The following CEACAM19 variants were observed in gnomAD, a reference collection of about 807,000 sequenced individuals.
The protein encoded by CEACAM19 is cell adhesion molecule CEACAM19.
A neutral mutation model predicts 37.6 loss-of-function variants in CEACAM19; 37 were observed. The observed-to-expected ratio is 0.98, with a 90% confidence interval of 0.76 to 1.29. The LOEUF is 1.29. Among genes scored for constraint, CEACAM19 ranks in the 50% most tolerant of loss-of-function variants. The pLI, the probability that CEACAM19 is intolerant of heterozygous loss-of-function variation, is 0.00. For missense variants in CEACAM19, 340 were observed against 375.6 expected (o/e 0.91, Z 0.78); for synonymous variants, 140 against 149.8 (o/e 0.93, Z 0.48).
At chr19:44,676,181 CAGT>C in intron 2 of CEACAM19, 87 bp from the exon 3 acceptor site, 1 of 1,313,392 alleles carries the variant, frequency 7.6e-7, no homozygotes, top group Non-Finnish European at 1.1e-6. Flanking sequence ...GTTCTCCATG[CAGT>C]CACTGATATA....
At chr19:44,668,716 A>G (rs1250567225), upstream of CEACAM19, among the ~76,000 whole-genome samples, 1 of 69,704 alleles carries the variant, frequency 1.4e-5, no homozygotes, top group Non-Finnish European at 2.6e-5. Context: ...TATATATTAT[A>G]ATATGTATAT....
At chr19:44,680,371 C>A (rs1200226224) in intron 5 of CEACAM19, 37 bp downstream of exon 5, 2 of 1,560,448 alleles carry the variant, frequency 1.3e-6, no homozygotes, top group African/African-American at 1.4e-5. Context: ...ACCTAGCCCT[C>A]CTCTCAGCTC....
upstream of CEACAM19, among the ~76,000 whole-genome samples, chr19:44,666,782 T>A (rs954668140): frequency 1.3e-5 from 2 of 151,516 alleles, no homozygotes; most frequent in African/African-American, 4.9e-5. Flanking sequence ...TACACTTCTC[T>A]TGAGCAGGGT....
At chr19:44,683,289 A>G (rs572147274) in intron 7 of CEACAM19, 148 bp from the exon 8 acceptor site, 5 of 499,008 alleles carry the variant, frequency 1.0e-5, no homozygotes, top group African/African-American at 7.9e-5. Flanking sequence ...TTGTCTCTGC[A>G]TCTCACTCTC....
In CEACAM19 at chr19:44,676,283, A is replaced by G. The variant is rs1321615650; in HGVS notation, c.437A>G (p.Glu146Gly). Reference sequence around the variant, plus strand: ...TCTCACCCCTCAGAAAAGAATAAGGAGCTGCCCAGTACACACCTGCCCACC... The same window carrying G: ...TCTCACCCCTCAGAAAAGAATAAGGGGCTGCCCAGTACACACCTGCCCACC... ...TEVQVAEKNK[E>G]LPSTHLPTNA... The change falls in exon 3 of 8, where the codon GAG (glutamate) becomes GGG (glycine). Residue 146 changes from glutamate to glycine, a missense_variant. Physicochemically the swap from Glu to Gly is moderately conservative, Grantham distance 98. Transcript: ENST00000358777. 1.2e-6 allele frequency: 2 copies of G among 1,614,008 alleles called. No homozygotes were observed. Among genetic ancestry groups the G allele is most frequent in the East Asian group, 2.2e-5 (1 of 44,858 alleles).
intron 3 of CEACAM19, 53 bp from the exon 4 acceptor site, chr19:44,678,800 A>C: frequency 6.3e-7 from 1 of 1,599,652 alleles, no homozygotes; most frequent in Middle Eastern, 1.7e-4. Context: ...GCTCTCTGAT[A>C]TTCTACTGTC....
upstream of CEACAM19, among the ~76,000 whole-genome samples, chr19:44,667,956 A>C (rs1973764117): frequency 1.2e-5 from 1 of 82,646 alleles, no homozygotes; most frequent in African/African-American, 5.0e-5. Context: ...AATTATATAA[A>C]TCTATATAAA....
upstream of CEACAM19, among the ~76,000 whole-genome samples, chr19:44,670,270 C>T (rs537531290): frequency 7.3e-5 from 11 of 150,016 alleles, no homozygotes; most frequent in African/African-American, 2.7e-4. Flanking sequence ...CTGCAGTGAG[C>T]AATGATCATG....
At chr19:44,670,805 A>C (rs1416851101), upstream of CEACAM19, among the ~76,000 whole-genome samples, 24 of 143,304 alleles carry the variant, frequency 1.7e-4, no homozygotes, top group Non-Finnish European at 3.2e-4. Flanking sequence ...AAAAAAAAAA[A>C]AAAAAACAGG....
At chr19:44,679,369 C>T (rs1974012754) in intron 4 of CEACAM19, among the ~76,000 whole-genome samples, 1 of 152,138 alleles carries the variant, frequency 6.6e-6, no homozygotes, top group Non-Finnish European at 1.5e-5. Context: ...CTTTGGGAGG[C>T]CAAGGCAGGT....
upstream of CEACAM19, among the ~76,000 whole-genome samples, chr19:44,668,141 A>G (rs1398824424): frequency 1.2e-5 from 1 of 85,334 alleles, no homozygotes; most frequent in East Asian, 3.6e-4. Context: ...TATATAATAT[A>G]TTATATATAT....
chr19:44,673,047 A>G, intron 2 of CEACAM19, 83 bp downstream of exon 2: 1 of 1,177,760 alleles, frequency 8.5e-7, no homozygotes, highest in Non-Finnish European at 1.1e-6. Context: ...TGCAAACACC[A>G]TTTCATTTGG....
At chr19:44,676,241 C>G (rs1973946377) in intron 2 of CEACAM19, 30 bp from the exon 3 acceptor site, 1 of 1,610,940 alleles carries the variant, frequency 6.2e-7, no homozygotes, top group African/African-American at 1.3e-5. Context: ...GCACAGTCCC[C>G]CCTCTCTCTT....
upstream of CEACAM19, among the ~76,000 whole-genome samples, chr19:44,668,559 T>A (rs1419913959): frequency 7.1e-5 from 3 of 42,396 alleles, no homozygotes; most frequent in African/African-American, 5.4e-4. Flanking sequence ...TATAATTATA[T>A]ACATATTATA....
At chr19:44,683,401 C>T (rs1356513995) in intron 7 of CEACAM19, 36 bp from the exon 8 acceptor site, 1 of 1,035,422 alleles carries the variant, frequency 9.7e-7, no homozygotes, top group Admixed American at 2.3e-5. Context: ...CCCCCTCCAC[C>T]CAGTCATAAT....
In CEACAM19 at chr19:44,671,870, C is replaced by T. The variant is rs1186795352; in HGVS notation, c.-62C>T. On this transcript the variant is annotated 5_prime_UTR_variant, in exon 1 of 8. Transcript: ENST00000358777. ...TGGCCTACTTCAGACAGCCAGGGCC[C>T]ACCCCTCTGGCCCCCTTAGTGTCCA... 3 of 1,475,590 alleles carry T rather than the reference C, an allele frequency of 2.0e-6. No individual in the cohort carries two copies. Among genetic ancestry groups the T allele is most frequent in the African/African-American group, 1.4e-5 (1 of 71,926 alleles). 91.4% of individuals were successfully genotyped at this position (1,475,590 alleles called of 1,614,324 possible).
upstream of CEACAM19, among the ~76,000 whole-genome samples, chr19:44,668,325 TATA>T (rs1276681703): frequency 7.5e-5 from 5 of 66,914 alleles, no homozygotes; most frequent in Admixed American, 2.7e-4. Context: ...ATTATATTTA[TATA>T]ATATGTTTAT....
chr19:44,683,388 TCTCCCC>T, intron 7 of CEACAM19, 43 bp from the exon 8 acceptor site: 1 of 761,968 alleles, frequency 1.3e-6, no homozygotes, highest in Non-Finnish European at 2.2e-6. Flanking sequence ...TCCCCAAGAC[TCTCCCC>T]CTCCACCCAG....
chr19:44,680,616 C>T (rs911401316), intron 5 of CEACAM19, among the ~76,000 whole-genome samples: 17 of 152,190 alleles, frequency 1.1e-4, no homozygotes, highest in African/African-American at 3.6e-4. Flanking sequence ...CTAGACCCCC[C>T]ACACCCAGCT....
Sources: gnomAD v4.1 joint callset for allele counts (sites outside exome capture counted in the v4.1 genomes callset) on GRCh38, gnomAD v4.1.1 for gene constraint, MANE v1.5 for transcripts, NCBI Gene and HGNC (gene_info 2026-07-23, HGNC 2026-07-21) for gene names.